The following JMJD1C variants were observed in gnomAD, a reference collection of about 807,000 sequenced individuals.
The protein encoded by JMJD1C is jumonji domain containing 1C.
Under a neutral mutation model 245.3 loss-of-function variants are expected in JMJD1C, and 31 were observed. The observed-to-expected ratio is 0.13, with a 90% confidence interval of 0.09 to 0.17. JMJD1C has a LOEUF of 0.17. Ranked by LOEUF, JMJD1C falls within the 10% of genes least tolerant of loss-of-function variation. JMJD1C has a pLI of 1.00. For synonymous variants in JMJD1C, 1,057 were observed against 1,017.4 expected, an observed-to-expected ratio of 1.04 and a Z score of -0.74; for missense variants, 2,691 against 3,000.2, an observed-to-expected ratio of 0.90 and a Z score of 2.41.
intron 3 of JMJD1C, among the ~76,000 whole-genome samples, chr10:63,229,169 T>A (rs1381589188): frequency 2.6e-5 from 4 of 151,992 alleles, no homozygotes; most frequent in Admixed American, 6.6e-5. Context: ...AAATACTTTT[T>A]TAAAAAAAAG....
chr10:63,207,114 C>CCAGAGG lies in JMJD1C; in HGVS notation c.4549_4554dup (p.Pro1517_Leu1518dup). ...ATTGTACTACAGATTACAGTGCTAT[C>CCAGAGG]CAGAGGAAGGGAGGCTGAAAGTGTC... is the stretch of plus-strand genomic sequence containing the variant. On this transcript the variant is annotated inframe_insertion, in exon 10 of 26. Transcript: ENST00000399262. 6.2e-7 allele frequency: 1 copy of CCAGAGG among 1,614,148 alleles called. No individual in the cohort carries two copies. Among genetic ancestry groups the CCAGAGG allele is most frequent in the Non-Finnish European group, 8.5e-7 (1 of 1,180,024 alleles).
chr10:63,480,409 C>T (rs1195209990), intron 1 of JMJD1C, among the ~76,000 whole-genome samples: 1 of 151,530 alleles, frequency 6.6e-6, no homozygotes, highest in Non-Finnish European at 1.5e-5. Flanking sequence ...CTTCGAACTC[C>T]TTGGCTCAGG....
intron 1 of JMJD1C, among the ~76,000 whole-genome samples, chr10:63,383,211 C>T (rs1253915083): frequency 5.2e-5 from 2 of 38,608 alleles, no homozygotes; most frequent in African/African-American, 8.8e-5. Context: ...CACTAGGAAG[C>T]TTCTTTAAAA....
At chr10:63,483,928 C>T (rs1459720286) in intron 1 of JMJD1C, among the ~76,000 whole-genome samples, 1 of 152,212 alleles carries the variant, frequency 6.6e-6, no homozygotes, top group African/African-American at 2.4e-5. Context: ...TACTTCTCAG[C>T]ATGTCATAAC....
chr10:63,208,381 T>G lies in JMJD1C; in HGVS notation c.3288A>C (p.Thr1096=). The G allele has an allele frequency of 6.2e-7, 1 of 1,613,494 alleles. No homozygotes were observed. Among genetic ancestry groups the G allele is most frequent in the Non-Finnish European group, 8.5e-7 (1 of 1,179,448 alleles). The part of the protein sequence containing the change: ...QSLPQSNYFT[T]LSNSVVNEPP... The stretch of plus-strand genomic sequence containing the variant: ...GTTCATTGACCACACTATTAGACAA[T>G]GTAGTGAAATAGTTACTTTGGGGTA... Residue 1096 remains threonine, a synonymous_variant, in exon 10 of 26, where the codon ACA becomes ACC. Transcript: ENST00000399262.
intron 1 of JMJD1C, among the ~76,000 whole-genome samples, chr10:63,407,821 A>C (rs757317169): frequency 6.6e-4 from 70 of 106,104 alleles, no homozygotes; most frequent in Middle Eastern, 0.012. Flanking sequence ...AGAAACAAAC[A>C]AAAAAAAAAA....
chr10:63,363,403 T>G (rs1368697447), intron 2 of JMJD1C, among the ~76,000 whole-genome samples: 1 of 151,252 alleles, frequency 6.6e-6, no homozygotes, highest in Non-Finnish European at 1.5e-5. Context: ...GGATTAGAGA[T>G]GCATGCCGCC....
At chr10:63,242,220 C>G (rs960923823) in intron 3 of JMJD1C, among the ~76,000 whole-genome samples, 1 of 152,128 alleles carries the variant, frequency 6.6e-6, no homozygotes, top group Admixed American at 6.5e-5. Flanking sequence ...GTGCAGTATT[C>G]AGCATTTAGA....
intron 10 of JMJD1C, chr10:63,203,041 C>T (rs1846198510): frequency 3.0e-6 from 3 of 984,630 alleles, no homozygotes; most frequent in Admixed American, 1.2e-4. Context: ...CATTTCAAAG[C>T]AAATCTCAAT....
intron 2 of JMJD1C, among the ~76,000 whole-genome samples, chr10:63,284,657 G>C (rs1857766885): frequency 6.6e-6 from 1 of 151,890 alleles, no homozygotes; most frequent in Non-Finnish European, 1.5e-5. Flanking sequence ...TTCGAAATAA[G>C]GACTCAAAGC....
In JMJD1C at chr10:63,326,222, C is replaced by T. The variant is rs954150869; in HGVS notation, c.333+54096G>A. ...TTAAAGATGATAAAATGGCCAGACG[C>T]GGTGGCTCACGCCTGTAATCCCAGC... On this transcript the variant is annotated intron_variant, in intron 2 of 25. Transcript: ENST00000399262. Among the ~76,000 whole-genome samples, 14 of 152,000 alleles carry T rather than the reference C, an allele frequency of 9.2e-5. No homozygotes were observed. The East Asian group carries it at 1.5e-3, about 17-fold the overall frequency.
chr10:63,290,903 T>C (rs1858596703), intron 2 of JMJD1C, among the ~76,000 whole-genome samples: 1 of 152,080 alleles, frequency 6.6e-6, no homozygotes, highest in East Asian at 1.9e-4. Context: ...ATAGCAAATA[T>C]TGAGAAAAAA....
chr10:63,317,908 G>A (rs996264978), intron 2 of JMJD1C, among the ~76,000 whole-genome samples: 9 of 152,012 alleles, frequency 5.9e-5, no homozygotes, highest in East Asian at 1.9e-4. Context: ...GCAGTGGCAC[G>A]ATCACGGCTC....
At chr10:63,326,122 TAAG>T (rs1941466679) in intron 2 of JMJD1C, among the ~76,000 whole-genome samples, 2 of 152,132 alleles carry the variant, frequency 1.3e-5, no homozygotes, top group African/African-American at 4.8e-5. Flanking sequence ...AGGTGACAAA[TAAG>T]AAATGACATT....
At chr10:63,242,462 C>G (rs530923563) in intron 3 of JMJD1C, among the ~76,000 whole-genome samples, 1 of 152,202 alleles carries the variant, frequency 6.6e-6, no homozygotes, top group Non-Finnish European at 1.5e-5. Flanking sequence ...TGGCTCATAC[C>G]TGTAATCCCA....
chr10:63,391,686 G>C (rs906549438), intron 1 of JMJD1C, among the ~76,000 whole-genome samples: 1 of 152,078 alleles, frequency 6.6e-6, no homozygotes, highest in Non-Finnish European at 1.5e-5. Flanking sequence ...ATGCTCAAAA[G>C]AAGAATTAAC....
chr10:63,368,545 T>G (rs1946042229), intron 2 of JMJD1C, among the ~76,000 whole-genome samples: 1 of 152,196 alleles, frequency 6.6e-6, no homozygotes, highest in Non-Finnish European at 1.5e-5. Flanking sequence ...TAAGGGTCAA[T>G]TCTGCTGAGG....
At chr10:63,327,745 T>C (rs1288573863) in intron 2 of JMJD1C, among the ~76,000 whole-genome samples, 5 of 152,036 alleles carry the variant, frequency 3.3e-5, no homozygotes, top group Admixed American at 1.3e-4. Flanking sequence ...CTTGGCTCAC[T>C]GCAACCTCCA....
chr10:63,389,040 G>C (rs1947840623), intron 1 of JMJD1C, among the ~76,000 whole-genome samples: 1 of 152,080 alleles, frequency 6.6e-6, no homozygotes, highest in Non-Finnish European at 1.5e-5. Context: ...GACCTCAATG[G>C]AGACCAGGTG....
Sources: gnomAD v4.1 joint callset for allele counts (sites outside exome capture counted in the v4.1 genomes callset) on GRCh38, gnomAD v4.1.1 for gene constraint, MANE v1.5 for transcripts, NCBI Gene and HGNC (gene_info 2026-07-23, HGNC 2026-07-21) for gene names.